Variants in CACNA1A observed in about 807,000 individuals in gnomAD.
The protein encoded by CACNA1A is calcium voltage-gated channel subunit alpha1 A, also known as voltage-dependent P/Q-type calcium channel subunit alpha-1A.
Under a neutral mutation model 262.4 loss-of-function variants are expected in CACNA1A, and 57 were observed. The observed-to-expected ratio is 0.22, with a 90% CI of 0.18 to 0.27. The LOEUF (loss-of-function observed/expected upper bound fraction) is 0.27, where lower values mean the gene tolerates loss of function less well. CACNA1A is among the 10% of genes least tolerant of loss of function. The pLI, the probability that CACNA1A is intolerant of heterozygous loss-of-function variation, is 1.00. For missense variants in CACNA1A, 2,526 were observed against 3,562.8 expected (o/e 0.71, Z 7.41); for synonymous variants, 1,431 against 1,419.3 (o/e 1.01, Z -0.18).
chr19:13,309,531 A>C (rs1390473906), intron 12 of CACNA1A, among the ~76,000 whole-genome samples: 1 of 126,028 alleles, frequency 7.9e-6, no homozygotes, highest in Non-Finnish European at 1.9e-5. Context: ...TGACTTTACA[A>C]AAAAAAAAAA....
intron 3 of CACNA1A, among the ~76,000 whole-genome samples, chr19:13,385,479 C>T (rs533438179): frequency 1.6e-4 from 24 of 152,118 alleles, no homozygotes; most frequent in Non-Finnish European, 1.2e-4. Context: ...TCACCTGCCT[C>T]GGCCTCCCAA....
intron 1 of CACNA1A, among the ~76,000 whole-genome samples, chr19:13,485,384 A>G (rs1012884747): frequency 2.6e-5 from 4 of 152,246 alleles, no homozygotes; most frequent in African/African-American, 4.8e-5. Context: ...TTCTAAAATC[A>G]ACCACATCAA....
intron 43 of CACNA1A, 144 bp from the exon 44 acceptor site, chr19:13,210,796 G>A (rs1035659192): frequency 2.3e-6 from 2 of 862,840 alleles, no homozygotes; most frequent in African/African-American, 1.7e-5. Flanking sequence ...AAATCGGAGG[G>A]AGAAGGCAGG....
chr19:13,225,854 A>C (rs146763280), intron 37 of CACNA1A: 58 of 152,180 alleles, frequency 3.8e-4, no homozygotes, highest in African/African-American at 1.4e-3. Context: ...CTTATTTATT[A>C]ATTAAAATAT....
At chr19:13,423,323 G>A (rs527242788) in intron 3 of CACNA1A, among the ~76,000 whole-genome samples, 6 of 152,212 alleles carry the variant, frequency 3.9e-5, no homozygotes, top group African/African-American at 1.4e-4. Flanking sequence ...CGTGATGGAG[G>A]GCTAGTGGGT....
chr19:13,287,871 T>C (rs1016989378), intron 19 of CACNA1A, among the ~76,000 whole-genome samples: 3 of 148,462 alleles, frequency 2.0e-5, no homozygotes, highest in African/African-American at 4.9e-5. Flanking sequence ...GGCAGGATCA[T>C]AGCTTACTGC....
chr19:13,319,447 T>C (rs183340931), intron 10 of CACNA1A, among the ~76,000 whole-genome samples: 1 of 152,324 alleles, frequency 6.6e-6, no homozygotes, highest in East Asian at 1.9e-4. Context: ...CATTATTCAT[T>C]TGCTCATTTG....
At chr19:13,421,911 G>A (rs1032024947) in intron 3 of CACNA1A, among the ~76,000 whole-genome samples, 1 of 152,170 alleles carries the variant, frequency 6.6e-6, no homozygotes, top group Non-Finnish European at 1.5e-5. Flanking sequence ...AGGAAATAAT[G>A]CCTATTCTGA....
chr19:13,403,147 T>C (rs1009057765), intron 3 of CACNA1A, among the ~76,000 whole-genome samples: 2 of 151,722 alleles, frequency 1.3e-5, no homozygotes, highest in Non-Finnish European at 2.9e-5. Context: ...ACACCATCGT[T>C]AATGTTTAGG....
Position 13,283,374 on chromosome 19 carries a change from T to C in CACNA1A, c.3715A>G (p.Ile1239Val), listed in dbSNP as rs375903481. 2 of 1,613,822 alleles carry C rather than the reference T, an allele frequency of 1.2e-6. No homozygotes were observed. The highest frequency in any genetic ancestry group is 2.7e-5 in the African/African-American group (2 of 74,892). Residue 1239 changes from isoleucine (I) to valine (V), a missense_variant, in exon 22 of 47, where the codon ATC becomes GTC. Coordinates refer to ENST00000360228, the MANE Select transcript of CACNA1A (RefSeq NM_001127222.2). ...ATCTCAAAGTAGCGCAGGTTCAGGATGTAATGGCACAGGCGGCGAAGGCTG... is the reference window on the plus strand; with the variant it reads ...ATCTCAAAGTAGCGCAGGTTCAGGACGTAATGGCACAGGCGGCGAAGGCTG... ...TNPLRRLCHY[I>V]LNLRYFEMCI...
chr19:13,350,547 C>T (rs1252560001), intron 6 of CACNA1A, among the ~76,000 whole-genome samples: 1 of 152,124 alleles, frequency 6.6e-6, no homozygotes, highest in Non-Finnish European at 1.5e-5. Context: ...AATCAGTGAC[C>T]CCCATTACCA....
chr19:13,464,419 CA>C (rs1005057371), intron 1 of CACNA1A, among the ~76,000 whole-genome samples: 10 of 151,604 alleles, frequency 6.6e-5, no homozygotes, highest in East Asian at 3.9e-4. Context: ...TAAATACATA[CA>C]TTTTTTTAAA....
intron 3 of CACNA1A, among the ~76,000 whole-genome samples, chr19:13,401,766 G>A (rs2059903980): frequency 6.6e-6 from 1 of 152,166 alleles, no homozygotes; most frequent in Non-Finnish European, 1.5e-5. Flanking sequence ...GGATCCCTGA[G>A]TGACTGCATG....
chr19:13,396,110 TATGCC>T (rs2059806920), intron 3 of CACNA1A, among the ~76,000 whole-genome samples: 1 of 152,236 alleles, frequency 6.6e-6, no homozygotes, highest in Non-Finnish European at 1.5e-5. Context: ...CTCCAATTAA[TATGCC>T]TTGTGAGTTG....
intron 3 of CACNA1A, among the ~76,000 whole-genome samples, chr19:13,380,695 TA>T (rs2059507943): frequency 6.7e-6 from 1 of 150,274 alleles, no homozygotes; most frequent in East Asian, 1.9e-4. Context: ...GTAGCCACAT[TA>T]AAAAAGTAAA....
At chr19:13,442,132 T>C (rs1039180280) in intron 3 of CACNA1A, among the ~76,000 whole-genome samples, 6 of 152,044 alleles carry the variant, frequency 3.9e-5, no homozygotes, top group African/African-American at 1.4e-4. Context: ...TAGCGCCGAG[T>C]AGACCCCAAG....
chr19:13,459,007 A>C (rs2061067012), intron 1 of CACNA1A, among the ~76,000 whole-genome samples: 1 of 152,164 alleles, frequency 6.6e-6, no homozygotes, highest in South Asian at 2.1e-4. Context: ...CAGCATGTTC[A>C]ACAGTATCCC....
chr19:13,222,233 G>T lies in CACNA1A; in HGVS notation c.5731+2434C>A, dbSNP rs369389502. Among the ~76,000 whole-genome samples, 4 of 152,068 alleles carry T rather than the reference G, an allele frequency of 2.6e-5. No individual in the cohort carries two copies. The East Asian group carries it at 7.7e-4, about 29-fold the overall frequency. ...ATTTTTGTATTTTTAGTAGAGACAG[G>T]GTTTTGCCACGTTGGCCAGGCTGAT... On this transcript the variant is annotated intron_variant, in intron 38 of 46. Transcript: ENST00000360228.
intron 23 of CACNA1A, 34 bp from the exon 24 acceptor site, chr19:13,275,990 C>A (rs1439569152): frequency 3.5e-6 from 5 of 1,441,080 alleles, no homozygotes; most frequent in Admixed American, 3.4e-5. Context: ...TCAGAACCCC[C>A]ACCTGATCCC....
Sources: gnomAD v4.1 joint callset for allele counts (sites outside exome capture counted in the v4.1 genomes callset) on GRCh38, gnomAD v4.1.1 for gene constraint, MANE v1.5 for transcripts, NCBI Gene and HGNC (gene_info 2026-07-23, HGNC 2026-07-21) for gene names.